TMEM14A: variants seen among roughly 807,000 people sequenced by gnomAD.
TMEM14A encodes transmembrane protein 14A.
TMEM14A carries 8 observed loss-of-function variants against 11.6 expected under a neutral mutation model. That is an observed-to-expected ratio of 0.69 (90% CI 0.40 to 1.24). The LOEUF is 1.24. TMEM14A is among the 50% of genes most tolerant of loss of function. The probability of loss-of-function intolerance (pLI) is 0.01; values close to 1 mark genes in which losing one functional copy is unlikely to be tolerated. For missense variants in TMEM14A, 108 were observed against 121.9 expected (o/e 0.89, Z 0.54); for synonymous variants, 34 against 45.5 (o/e 0.75, Z 1.02).
intron 2 of TMEM14A, among the ~76,000 whole-genome samples, chr6:52,677,614 G>T (rs981203849): frequency 2.0e-5 from 3 of 150,340 alleles, no homozygotes; most frequent in Admixed American, 6.6e-5. Context: ...AAAGAGGGGG[G>T]AAAAAAACTC....
chr6:52,673,180 AC>A, intron 1 of TMEM14A, among the ~76,000 whole-genome samples: 1 of 152,154 alleles, frequency 6.6e-6, no homozygotes, highest in East Asian at 1.9e-4. Flanking sequence ...ATTAAAGCAT[AC>A]CCTTAGAATG....
Position 52,680,594 on chromosome 6 carries a change from TA to T in TMEM14A, c.71-1218del, listed in dbSNP as rs1327314073. On this transcript the variant is annotated intron_variant, in intron 2 of 4. Transcript: ENST00000211314. ...CTAAGCCACTATATATTTATATATTTATATATATATATATATATGTATATAT... is the reference window on the plus strand; with the variant it reads ...CTAAGCCACTATATATTTATATATTTTATATATATATATATATGTATATAT... Among the ~76,000 whole-genome samples the T allele has an allele frequency of 3.2e-4, 18 of 55,588 alleles. 1 individual carries two copies. Among genetic ancestry groups the T allele is most frequent in the African/African-American group, 2.3e-4 (3 of 12,908 alleles). 36.5% of individuals were successfully genotyped at this position (55,588 alleles called of 152,430 possible). A position where few individuals can be genotyped will look rare whatever the true frequency, so the allele number is the denominator to read the frequency against.
rs1270690658 is a variant in TMEM14A at position 52,671,261 on chromosome 6, C to T, written c.-17+16C>T. The T allele has an allele frequency of 6.6e-6, 1 of 152,274 alleles. No homozygotes were observed. Among genetic ancestry groups the T allele is most frequent in the Non-Finnish European group, 1.5e-5 (1 of 68,070 alleles). The allele number at this position is 152,274 out of a possible 1,614,324, so 9.4% of individuals were successfully genotyped here. On this transcript the variant is annotated intron_variant, in intron 1 of 4. Transcript: ENST00000211314. ...GGGGCTGCAGGTGAGCTGTGCATCC[C>T]GCAATGGAGACCTTCCTGCTCTGAA...
chr6:52,676,809 C>T (rs1326311933), intron 1 of TMEM14A, among the ~76,000 whole-genome samples: 7 of 152,142 alleles, frequency 4.6e-5, no homozygotes, highest in Middle Eastern at 3.4e-3. Flanking sequence ...GGGGAGAGCA[C>T]GTGAAGGGGG....
At position 52,684,156 on chromosome 6, in the gene TMEM14A, C is replaced by T; in HGVS notation, c.251C>T (p.Ala84Val). 2 of 1,613,548 alleles carry T rather than the reference C, an allele frequency of 1.2e-6. No homozygotes were observed. The highest frequency in any genetic ancestry group is 1.7e-6 in the Non-Finnish European group (2 of 1,179,732). Residue 84 changes from alanine to valine, a missense_variant, in exon 4 of 5, where the codon GCA becomes GTA. By Grantham distance (64) the Ala-to-Val change is moderately conservative (BLOSUM62 0). Coordinates refer to ENST00000211314, the MANE Select transcript of TMEM14A (RefSeq NM_014051.4). ...SKKIMPAGLV[A>V]GLSLMMILRL... ...AAAATAATGCCTGCTGGTTTGGTTG[C>T]AGGTTTAAGGTAAGTAAAACTATTT...
intron 2 of TMEM14A, 55 bp from the exon 3 acceptor site, chr6:52,681,758 A>G: frequency 6.9e-7 from 1 of 1,459,618 alleles, no homozygotes; most frequent in Non-Finnish European, 9.6e-7. Context: ...TAATGGAATG[A>G]ATTCCTTTCC....
At chr6:52,680,669 G>GTGTGTGTGTATA in intron 2 of TMEM14A, among the ~76,000 whole-genome samples, 1 of 35,970 alleles carries the variant, frequency 2.8e-5, no homozygotes, top group East Asian at 1.2e-3. Context: ...ATATATATGT[G>GTGTGTGTGTATA]TATATATATA....
Position 52,681,841 on chromosome 6 carries a change from T to A in TMEM14A, c.99T>A (p.Leu33=). The A allele has an allele frequency of 6.2e-7, 1 of 1,614,160 alleles. No homozygotes were observed. The highest frequency in any genetic ancestry group is 8.5e-7 in the Non-Finnish European group (1 of 1,180,014). Residue 33 remains leucine, a synonymous_variant, in exon 3 of 5, where the codon CTT becomes CTA. Transcript: ENST00000211314. ...RGGVPSLIAG[L]FVGCLAGYGA... ...GTGTTCCGTCTTTGATTGCTGGTCT[T>A]TTTGTTGGATGTTTGGCCGGCTATG...
intron 2 of TMEM14A, among the ~76,000 whole-genome samples, chr6:52,680,677 A>ATATACATATATGTGTG (rs1769363850): frequency 1.3e-5 from 1 of 78,900 alleles, no homozygotes; most frequent in African/African-American, 4.4e-5. Flanking sequence ...GTGTATATAT[A>ATATACATATATGTGTG]TATATACATA....
In TMEM14A at chr6:52,686,095, T is replaced by C. The variant is rs200635271; in HGVS notation, c.*46T>C. Reference sequence around the variant, plus strand: ...CTAAGTTCATGTCATCCTGCTGTAATGGGCAGAGCATATTTTTTTTGTATT... The same window carrying C: ...CTAAGTTCATGTCATCCTGCTGTAACGGGCAGAGCATATTTTTTTTGTATT... On this transcript the variant is annotated 3_prime_UTR_variant, in exon 5 of 5. Transcript: ENST00000211314. 3.4e-5 allele frequency: 52 copies of C among 1,541,648 alleles called. No individual in the cohort carries two copies. Among genetic ancestry groups the C allele is most frequent in the East Asian group, 3.2e-4 (14 of 43,164 alleles).
intron 2 of TMEM14A, among the ~76,000 whole-genome samples, chr6:52,679,067 T>A (rs556813877): frequency 2.0e-5 from 3 of 152,284 alleles, no homozygotes; most frequent in African/African-American, 7.2e-5. Context: ...CGAAATGGTG[T>A]TTAGTGGGAG....
At chr6:52,679,627 C>A (rs901584144) in intron 2 of TMEM14A, among the ~76,000 whole-genome samples, 2 of 152,166 alleles carry the variant, frequency 1.3e-5, no homozygotes, top group African/African-American at 4.8e-5. Flanking sequence ...TTTCTTGTAG[C>A]CCCCACTATG....
rs1272025625 is a variant in TMEM14A at position 52,683,642 on chromosome 6, G to A, written c.173-436G>A. 3.3e-5 allele frequency among the ~76,000 whole-genome samples: 5 copies of A among 151,824 alleles called. No individual in the cohort carries two copies. In the East Asian group the frequency reaches 5.8e-4, roughly 18 times the overall value. ...TTGTTGTTTTTTTGAGACAGAGTTC[G>A]CTCTTGTTGCTCAGTCTGGAGTGCA... is the stretch of plus-strand genomic sequence containing the variant. On this transcript the variant is annotated intron_variant, in intron 3 of 4. Coordinates refer to ENST00000211314, the MANE Select transcript of TMEM14A (RefSeq NM_014051.4).
chr6:52,685,487 A>G (rs1164196027), intron 4 of TMEM14A, among the ~76,000 whole-genome samples: 1 of 152,078 alleles, frequency 6.6e-6, no homozygotes, highest in African/African-American at 2.4e-5. Context: ...TGGGAGGCTG[A>G]GGCAGGAGAA....
In TMEM14A at chr6:52,680,704, T is replaced by TATATATATATATATATATAC. The variant is rs371102796; in HGVS notation, c.71-1108_71-1107insTATATATATATATATATACA. ...ATATACATATATGTATATATATATA[T>TATATATATATATATATATAC]ACACATATATATATGGCATGGATGA... On this transcript the variant is annotated intron_variant, in intron 2 of 4. Transcript: ENST00000211314. 7.2e-4 allele frequency among the ~76,000 whole-genome samples: 37 copies of TATATATATATATATATATAC among 51,100 alleles called. 1 individual carries two copies. Among genetic ancestry groups the TATATATATATATATATATAC allele is most frequent in the African/African-American group, 1.7e-3 (30 of 17,490 alleles). The allele number at this position is 51,100 out of a possible 152,430, so 33.5% of individuals were successfully genotyped here. A position where few individuals can be genotyped will look rare whatever the true frequency, so the allele number is the denominator to read the frequency against.
At chr6:52,673,297 C>T (rs1318189442) in intron 1 of TMEM14A, among the ~76,000 whole-genome samples, 3 of 152,162 alleles carry the variant, frequency 2.0e-5, no homozygotes, top group African/African-American at 7.2e-5. Context: ...TGAGCCCCTG[C>T]CCCACCTGTC....
At chr6:52,680,619 ATATGTG>A (rs1769353214) in intron 2 of TMEM14A, among the ~76,000 whole-genome samples, 1 of 112,996 alleles carries the variant, frequency 8.8e-6, no homozygotes, top group Admixed American at 9.4e-5. Flanking sequence ...ATATGTATAT[ATATGTG>A]TATATATATA....
chr6:52,680,633 A>G lies in TMEM14A; in HGVS notation c.71-1180A>G, dbSNP rs1259530980. On this transcript the variant is annotated intron_variant, in intron 2 of 4. Coordinates refer to ENST00000211314, the MANE Select transcript of TMEM14A (RefSeq NM_014051.4). ...TATATGTATATATATGTGTATATATATATGTGTGTATATATATGTGTGTGT... is the reference window on the plus strand; with the variant it reads ...TATATGTATATATATGTGTATATATGTATGTGTGTATATATATGTGTGTGT... Among the ~76,000 whole-genome samples, 636 of 123,594 alleles carry G rather than the reference A, an allele frequency of 5.1e-3. 10 individuals are homozygous for G. Among genetic ancestry groups the G allele is most frequent in the Middle Eastern group, 0.012 (3 of 246 alleles). The allele number at this position is 123,594 out of a possible 152,430, so 81.1% of individuals were successfully genotyped here.
chr6:52,680,691 G>GTGTATATATATATATATATATATATA (rs758417981), intron 2 of TMEM14A, among the ~76,000 whole-genome samples: 6 of 35,336 alleles, frequency 1.7e-4, no homozygotes, highest in Admixed American at 2.9e-4. Flanking sequence ...ATACATATAT[G>GTGTATATATATATATATATATATATA]TATATATATA....
Sources: gnomAD v4.1 joint callset for allele counts (sites outside exome capture counted in the v4.1 genomes callset) on GRCh38, gnomAD v4.1.1 for gene constraint, MANE v1.5 for transcripts, NCBI Gene and HGNC (gene_info 2026-07-23, HGNC 2026-07-21) for gene names.